UBE2K: variants seen among roughly 807,000 people sequenced by gnomAD.
UBE2K encodes ubiquitin conjugating enzyme E2 K.
In UBE2K, 6 loss-of-function variants were observed where a neutral mutation model predicts 30.0. The observed-to-expected ratio is 0.20, with a 90% CI of 0.11 to 0.39. The LOEUF (loss-of-function observed/expected upper bound fraction) is 0.39. Among genes scored for constraint, UBE2K ranks in the 10% least tolerant of loss-of-function variants. The pLI is 1.00. For missense variants in UBE2K, 61 were observed against 241.6 expected, an observed-to-expected ratio of 0.25 and a Z score of 4.96; for synonymous variants, 86 against 83.7, an observed-to-expected ratio of 1.03 and a Z score of -0.15.
At chr4:39,738,831 A>G (rs1035522608) in intron 2 of UBE2K, among the ~76,000 whole-genome samples, 5 of 151,508 alleles carry the variant, frequency 3.3e-5, no homozygotes, top group African/African-American at 4.9e-5. Flanking sequence ...GCGCACCACC[A>G]TGCCGGCTAA....
At chr4:39,722,626 T>C (rs962385870) in intron 1 of UBE2K, among the ~76,000 whole-genome samples, 8 of 152,018 alleles carry the variant, frequency 5.3e-5, no homozygotes, top group African/African-American at 1.7e-4. Context: ...ATCTAGCATG[T>C]TTATCTTTGG....
chr4:39,728,818 GTTTTTTTT>G (rs1560352724), intron 1 of UBE2K, among the ~76,000 whole-genome samples: 7 of 129,908 alleles, frequency 5.4e-5, no homozygotes, highest in Non-Finnish European at 1.1e-4. Context: ...GGTTTTTTTT[GTTTTTTTT>G]GTTTTTTTTT....
chr4:39,744,823 C>T (rs1021632670), intron 2 of UBE2K, among the ~76,000 whole-genome samples: 1 of 150,816 alleles, frequency 6.6e-6, no homozygotes, highest in Non-Finnish European at 1.5e-5. Flanking sequence ...AGGAGAATGG[C>T]GTGAACCCGG....
Position 39,771,479 on chromosome 4 carries a change from T to A in UBE2K, c.300-3355T>A, listed in dbSNP as rs1401088432. 4 of 1,506,604 alleles carry A rather than the reference T, an allele frequency of 2.7e-6. No individual in the cohort carries two copies. The African/African-American group carries it at 5.6e-5, about 21-fold the overall frequency. 93.3% of individuals were successfully genotyped at this position (1,506,604 alleles called of 1,614,324 possible). ...ACCCTGGCCCGGTTCCGCGCGCTGT[T>A]TTTTTTTAATCCCCTATTTTCCCCA... On this transcript the variant is annotated intron_variant, in intron 4 of 6. Coordinates refer to ENST00000261427, the MANE Select transcript of UBE2K (RefSeq NM_005339.5).
At chr4:39,748,794 A>T (rs1406262687) in intron 3 of UBE2K, among the ~76,000 whole-genome samples, 1 of 152,168 alleles carries the variant, frequency 6.6e-6, no homozygotes, top group South Asian at 2.1e-4. Flanking sequence ...TACGGTATAT[A>T]TGAAATAAAA....
chr4:39,718,986 G>T (rs762453332), intron 1 of UBE2K, among the ~76,000 whole-genome samples: 1 of 152,266 alleles, frequency 6.6e-6, no homozygotes, highest in Non-Finnish European at 1.5e-5. Flanking sequence ...CCTCAAGTGT[G>T]GCCAGAATGG....
intron 1 of UBE2K, among the ~76,000 whole-genome samples, chr4:39,733,666 A>G (rs1720201052): frequency 6.6e-6 from 1 of 152,108 alleles, no homozygotes; most frequent in Admixed American, 6.5e-5. Flanking sequence ...GTTGTTAGGG[A>G]AAGGGGAACT....
intron 1 of UBE2K, among the ~76,000 whole-genome samples, chr4:39,728,708 G>A (rs1257234517): frequency 1.3e-5 from 2 of 151,380 alleles, no homozygotes; most frequent in Admixed American, 6.6e-5. Context: ...GTGCGATCTC[G>A]GCTCACTGCA....
At chr4:39,765,898 A>G (rs1019582150) in intron 4 of UBE2K, among the ~76,000 whole-genome samples, 22 of 135,032 alleles carry the variant, frequency 1.6e-4, no homozygotes, top group African/African-American at 6.5e-4. Flanking sequence ...ACCTGAAGTC[A>G]GGATATATAT....
chr4:39,781,754 A>G lies in UBE2K; in HGVS notation c.*3320A>G. On this transcript the variant is annotated 3_prime_UTR_variant, in exon 7 of 7. Transcript: ENST00000261427. Reference sequence around the variant, plus strand: ...AAGCCGTCTGTTTACAGTTAACTTTATTTCATGGACTTCTACAAAATGTTG... The same window carrying G: ...AAGCCGTCTGTTTACAGTTAACTTTGTTTCATGGACTTCTACAAAATGTTG... 1 of 394,032 alleles carries G rather than the reference A, an allele frequency of 2.5e-6. No homozygotes were observed. The highest frequency in any genetic ancestry group is 3.6e-5 in the East Asian group (1 of 27,892). The allele number at this position is 394,032 out of a possible 1,614,324, so 24.4% of individuals were successfully genotyped here. A position where few individuals can be genotyped will look rare whatever the true frequency, so the allele number is the denominator to read the frequency against.
At chr4:39,775,050 T>G (rs1713204348) in intron 5 of UBE2K, 117 bp downstream of exon 5, 1 of 531,400 alleles carries the variant, frequency 1.9e-6, no homozygotes, top group Non-Finnish European at 3.1e-6. Flanking sequence ...TGAAATGGTT[T>G]TCTTTCTTGT....
At chr4:39,747,800 GTTTTC>G (rs1328265383) in intron 3 of UBE2K, among the ~76,000 whole-genome samples, 1 of 142,146 alleles carries the variant, frequency 7.0e-6, no homozygotes, top group African/African-American at 2.6e-5. Context: ...TGTTGTTGTT[GTTTTC>G]TTTTTTTTTT....
At chr4:39,702,925 C>A (rs1349764205) in intron 1 of UBE2K, among the ~76,000 whole-genome samples, 2 of 152,054 alleles carry the variant, frequency 1.3e-5, no homozygotes, top group Non-Finnish European at 2.9e-5. Context: ...CGCATGTCCC[C>A]ACTATCTCTT....
chr4:39,762,297 A>G (rs1447871693), intron 4 of UBE2K, among the ~76,000 whole-genome samples: 4 of 152,060 alleles, frequency 2.6e-5, no homozygotes, highest in Admixed American at 2.6e-4. Flanking sequence ...CCTGGCCTCA[A>G]GTGATCCTTC....
intron 1 of UBE2K, among the ~76,000 whole-genome samples, chr4:39,734,327 G>C (rs1720237531): frequency 1.3e-5 from 2 of 151,926 alleles, no homozygotes; most frequent in African/African-American, 2.4e-5. Context: ...GATCTGCCTT[G>C]GCCTCCCAAA....
chr4:39,711,287 C>T (rs1023306354), intron 1 of UBE2K, among the ~76,000 whole-genome samples: 2 of 150,498 alleles, frequency 1.3e-5, no homozygotes, highest in Non-Finnish European at 3.0e-5. Flanking sequence ...CTCAGCCTCC[C>T]GAGTATCTGG....
intron 6 of UBE2K, 104 bp downstream of exon 6, chr4:39,777,914 C>A: frequency 8.7e-7 from 1 of 1,145,220 alleles, no homozygotes; most frequent in Non-Finnish European, 1.2e-6. Flanking sequence ...AAATTCGCAG[C>A]CTGGGCAACA....
intron 1 of UBE2K, among the ~76,000 whole-genome samples, chr4:39,707,602 G>T (rs1718441783): frequency 6.6e-6 from 1 of 150,766 alleles, no homozygotes; most frequent in Admixed American, 6.6e-5. Context: ...GCTCATTGCA[G>T]CCTTGACCTC....
chr4:39,735,658 G>A (rs770511879), intron 1 of UBE2K, among the ~76,000 whole-genome samples: 35 of 152,146 alleles, frequency 2.3e-4, no homozygotes, highest in Admixed American at 7.2e-4. Context: ...TGGGATTACA[G>A]GCATGAGCCA....
Sources: allele counts gnomAD v4.1 joint callset (sites outside exome capture counted in the v4.1 genomes callset), GRCh38; gene constraint gnomAD v4.1.1; transcripts MANE v1.5; gene names NCBI Gene and HGNC (gene_info 2026-07-23, HGNC 2026-07-21).